PEAK1: variants seen among roughly 807,000 people sequenced by gnomAD.
The protein encoded by PEAK1 is inactive tyrosine-protein kinase PEAK1.
A neutral mutation model predicts 124.7 loss-of-function variants in PEAK1; 54 were observed. The observed-to-expected ratio is 0.43, with a 90% CI of 0.35 to 0.54. The LOEUF (loss-of-function observed/expected upper bound fraction) is 0.54. Ranked by LOEUF, PEAK1 falls within the 20% of genes least tolerant of loss-of-function variation. The pLI is 0.01. For missense variants in PEAK1, 2,046 were observed against 2,134.5 expected (o/e 0.96, Z 0.82); for synonymous variants, 719 against 760.0 (o/e 0.95, Z 0.89).
intron 7 of PEAK1, among the ~76,000 whole-genome samples, chr15:77,166,236 C>T (rs1461234018): frequency 6.6e-6 from 1 of 152,154 alleles, no homozygotes; most frequent in Non-Finnish European, 1.5e-5. Context: ...ATCACTACCA[C>T]CACTATCCCT....
intron 9 of PEAK1, among the ~76,000 whole-genome samples, chr15:77,117,932 G>T (rs1263492539): frequency 6.6e-6 from 1 of 152,214 alleles, no homozygotes; most frequent in East Asian, 1.9e-4. Flanking sequence ...AGAGCTTTGT[G>T]AGTAGACAAG....
At position 77,377,515 on chromosome 15, in the gene PEAK1, C is replaced by T. The variant is rs1267724464; in HGVS notation, c.-665-12290G>A. Among the ~76,000 whole-genome samples the T allele has an allele frequency of 3.3e-5, 5 of 149,706 alleles. No homozygotes were observed. The South Asian group carries it at 6.2e-4, about 19-fold the overall frequency. ...TTGCCCAGGCTGGAGTACAATGGCA[C>T]GATCTCAGCTCACTGCAACCTCCAG... On this transcript the variant is annotated intron_variant, in intron 1 of 9. Coordinates refer to ENST00000682557, the MANE Select transcript of PEAK1 (RefSeq NM_001385026.1).
At chr15:77,228,490 C>T (rs184656568) in intron 6 of PEAK1, among the ~76,000 whole-genome samples, 1 of 152,202 alleles carries the variant, frequency 6.6e-6, no homozygotes, top group Non-Finnish European at 1.5e-5. Flanking sequence ...TTAATGTTGC[C>T]TGGTCCACAG....
chr15:77,333,462 T>C (rs1452531038), intron 2 of PEAK1: 1 of 913,044 alleles, frequency 1.1e-6, no homozygotes, highest in Non-Finnish European at 1.3e-6. Flanking sequence ...AACAACTATA[T>C]AAGCTTATCT....
intron 6 of PEAK1, among the ~76,000 whole-genome samples, chr15:77,206,179 GTATTCCATGGTGTA>G (rs1175644376): frequency 7.7e-6 from 1 of 130,504 alleles, no homozygotes; most frequent in Non-Finnish European, 1.6e-5. Context: ...TGGCTGCATA[GTATTCCATGGTGTA>G]TATGTGCCAC....
At chr15:77,192,189 A>T (rs1357009522) in intron 6 of PEAK1, among the ~76,000 whole-genome samples, 2 of 152,252 alleles carry the variant, frequency 1.3e-5, no homozygotes, top group African/African-American at 2.4e-5. Context: ...GCAGTAAAGA[A>T]GATGCAGGAT....
At chr15:77,282,892 A>T (rs964032860) in intron 5 of PEAK1, among the ~76,000 whole-genome samples, 2 of 152,202 alleles carry the variant, frequency 1.3e-5, no homozygotes, top group African/African-American at 4.8e-5. Flanking sequence ...GGTCCTCTTC[A>T]TCTTTTCCTT....
At chr15:77,305,209 G>A (rs2152995548) in intron 2 of PEAK1, among the ~76,000 whole-genome samples, 1 of 135,736 alleles carries the variant, frequency 7.4e-6, no homozygotes, top group African/African-American at 2.8e-5. Context: ...GAAGGAGGGA[G>A]GGAGGGAGGG....
intron 6 of PEAK1, among the ~76,000 whole-genome samples, chr15:77,216,713 G>C (rs2059163589): frequency 6.6e-6 from 1 of 152,144 alleles, no homozygotes; most frequent in South Asian, 2.1e-4. Context: ...AGAAACAATA[G>C]CCAATACCAT....
At chr15:77,251,230 C>T (rs2060867298) in intron 6 of PEAK1, among the ~76,000 whole-genome samples, 1 of 152,132 alleles carries the variant, frequency 6.6e-6, no homozygotes, top group East Asian at 1.9e-4. Context: ...TGAAATAATT[C>T]TGGTCTAGGA....
intron 6 of PEAK1, among the ~76,000 whole-genome samples, chr15:77,190,311 T>A (rs1374957680): frequency 6.6e-6 from 1 of 152,208 alleles, no homozygotes; most frequent in African/African-American, 2.4e-5. Flanking sequence ...GGAAATACCA[T>A]AATAAACTAG....
rs987920557 is a variant in PEAK1 at position 77,365,223 on chromosome 15, T to C, written c.-663A>G. 1.0e-6 allele frequency: 1 copy of C among 982,450 alleles called. No homozygotes were observed. The highest frequency in any genetic ancestry group is 1.2e-6 in the Non-Finnish European group (1 of 827,232). 60.9% of individuals were successfully genotyped at this position (982,450 alleles called of 1,614,324 possible). On this transcript the variant is annotated splice_region_variant and 5_prime_UTR_variant, in exon 2 of 10. Transcript: ENST00000682557. ...CAGCATAAGTTCCAGTTTGGGCAGATACCTGAATTGTAAAAAACAAACAGA... is the reference window on the plus strand; with the variant it reads ...CAGCATAAGTTCCAGTTTGGGCAGACACCTGAATTGTAAAAAACAAACAGA...
intron 9 of PEAK1, among the ~76,000 whole-genome samples, chr15:77,130,426 A>G (rs1300932011): frequency 6.6e-6 from 1 of 152,204 alleles, no homozygotes; most frequent in Non-Finnish European, 1.5e-5. Context: ...TTTAATTTAA[A>G]AAGTGTGAGC....
intron 9 of PEAK1, among the ~76,000 whole-genome samples, chr15:77,132,501 C>T (rs937524953): frequency 4.6e-5 from 7 of 151,986 alleles, no homozygotes; most frequent in Non-Finnish European, 1.0e-4. Context: ...TTGAGACCAG[C>T]CTGGCCAACA....
chr15:77,164,989 T>G (rs1394920134), intron 7 of PEAK1, among the ~76,000 whole-genome samples: 1 of 152,002 alleles, frequency 6.6e-6, no homozygotes, highest in Non-Finnish European at 1.5e-5. Flanking sequence ...CTGCAACCTC[T>G]GCTTCCCAGG....
At chr15:77,123,286 G>A (rs77271746) in intron 9 of PEAK1, among the ~76,000 whole-genome samples, 3,290 of 152,160 alleles carry the variant, frequency 0.022, 117 homozygotes, top group African/African-American at 0.074. Context: ...CTGTGGTCTC[G>A]CATGGTAGTA....
intron 2 of PEAK1, among the ~76,000 whole-genome samples, chr15:77,359,537 G>T (rs1047439290): frequency 4.6e-5 from 7 of 151,692 alleles, no homozygotes; most frequent in Non-Finnish European, 5.9e-5. Context: ...ACGATGACAT[G>T]ATCTTACATA....
chr15:77,357,178 G>A (rs946369998), intron 2 of PEAK1, among the ~76,000 whole-genome samples: 1 of 152,232 alleles, frequency 6.6e-6, no homozygotes, highest in African/African-American at 2.4e-5. Context: ...GGTGAAGTGG[G>A]AGGATCATGT....
At chr15:77,146,553 A>T (rs1277615153) in intron 8 of PEAK1, among the ~76,000 whole-genome samples, 1 of 152,232 alleles carries the variant, frequency 6.6e-6, no homozygotes, top group African/African-American at 2.4e-5. Flanking sequence ...TAATTCTAGT[A>T]TATGGAAAAC....
Sources: allele counts gnomAD v4.1 joint callset (sites outside exome capture counted in the v4.1 genomes callset), GRCh38; gene constraint gnomAD v4.1.1; transcripts MANE v1.5; gene names NCBI Gene and HGNC (gene_info 2026-07-23, HGNC 2026-07-21).